The following CENPP variants were observed in gnomAD, a reference collection of about 807,000 sequenced individuals.
CENPP encodes the protein centromere protein P.
A neutral mutation model predicts 35.6 loss-of-function variants in CENPP; 24 were observed. That is an observed-to-expected ratio of 0.67 (90% CI 0.49 to 0.95). The LOEUF (loss-of-function observed/expected upper bound fraction) is 0.95, where lower values mean the gene tolerates loss of function less well. Ranked by LOEUF, CENPP falls within the 40% of genes least tolerant of loss-of-function variation. The pLI is 0.00. For missense variants in CENPP, 332 were observed against 345.3 expected (o/e 0.96, Z 0.31); for synonymous variants, 120 against 125.5 (o/e 0.96, Z 0.29).
intron 5 of CENPP, among the ~76,000 whole-genome samples, chr9:92,580,640 G>A (rs1250518472): frequency 2.0e-5 from 3 of 152,170 alleles, no homozygotes. Context: ...TGTGGGATCG[G>A]TGGTGATATC....
intron 1 of CENPP, among the ~76,000 whole-genome samples, chr9:92,330,390 T>G (rs896545115): frequency 6.6e-6 from 1 of 152,150 alleles, no homozygotes; most frequent in Non-Finnish European, 1.5e-5. Context: ...GGCTAATCAT[T>G]TAGTGTTCCT....
chr9:92,589,700 C>G (rs917814394), intron 5 of CENPP, among the ~76,000 whole-genome samples: 6 of 152,154 alleles, frequency 3.9e-5, no homozygotes, highest in Non-Finnish European at 8.8e-5. Flanking sequence ...AAGTGATTCT[C>G]TTATGCGTTT....
intron 5 of CENPP, among the ~76,000 whole-genome samples, chr9:92,474,159 A>T (rs1845625791): frequency 6.6e-6 from 1 of 152,268 alleles, no homozygotes; most frequent in African/African-American, 2.4e-5. Flanking sequence ...GGCAGTTTTA[A>T]ACCCAAATTG....
At chr9:92,401,736 A>C (rs920544266) in intron 5 of CENPP, among the ~76,000 whole-genome samples, 2 of 151,888 alleles carry the variant, frequency 1.3e-5, no homozygotes, top group Non-Finnish European at 1.5e-5. Flanking sequence ...TACCTTACCT[A>C]CCCTGCTTGG....
Position 92,518,022 on chromosome 9 carries a change from A to G in CENPP, c.565-93292A>G, listed in dbSNP as rs376597921. On this transcript the variant is annotated intron_variant, in intron 5 of 7. Transcript: ENST00000375587. ...TTCATGTATAGGGTAAAGATGTCGTATAGACATAAGAAATGCTGAAATGCT... is the reference window on the plus strand; with the variant it reads ...TTCATGTATAGGGTAAAGATGTCGTGTAGACATAAGAAATGCTGAAATGCT... 9.1e-5 allele frequency: 88 copies of G among 966,610 alleles called. No individual in the cohort carries two copies. In the African/African-American group the frequency reaches 1.3e-3, roughly 14 times the overall value. 59.9% of individuals were successfully genotyped at this position (966,610 alleles called of 1,614,324 possible).
intron 5 of CENPP, among the ~76,000 whole-genome samples, chr9:92,434,467 T>C (rs1844198862): frequency 6.6e-6 from 1 of 151,932 alleles, no homozygotes; most frequent in African/African-American, 2.4e-5. Context: ...GTGTAAGAAT[T>C]GCATGCTGAA....
At chr9:92,546,628 G>A (rs1387661319) in intron 5 of CENPP, among the ~76,000 whole-genome samples, 2 of 152,102 alleles carry the variant, frequency 1.3e-5, no homozygotes, top group Non-Finnish European at 2.9e-5. Context: ...ACACCAGAAG[G>A]AACAAACTCT....
chr9:92,365,530 C>T (rs1180166891), intron 4 of CENPP, among the ~76,000 whole-genome samples: 1 of 151,138 alleles, frequency 6.6e-6, no homozygotes, highest in African/African-American at 2.4e-5. Context: ...CCTGCCTCAG[C>T]CTCCTGAGCA....
chr9:92,331,654 GT>G (rs1840750890), intron 1 of CENPP, among the ~76,000 whole-genome samples: 1 of 152,194 alleles, frequency 6.6e-6, no homozygotes, highest in Non-Finnish European at 1.5e-5. Flanking sequence ...GGTTACATAT[GT>G]TTTTTGTTGA....
intron 5 of CENPP, among the ~76,000 whole-genome samples, chr9:92,437,763 A>T (rs1844284082): frequency 6.7e-6 from 1 of 149,202 alleles, no homozygotes; most frequent in East Asian, 2.0e-4. Flanking sequence ...AGTCCAATTT[A>T]TAAGTTATTT....
At chr9:92,449,421 AGCGAGACTCT>A (rs1166143734) in intron 5 of CENPP, among the ~76,000 whole-genome samples, 1 of 112,374 alleles carries the variant, frequency 8.9e-6, no homozygotes, top group African/African-American at 3.5e-5. Context: ...CTGGGTGATG[AGCGAGACTCT>A]ATCTCCAAAA....
At chr9:92,500,031 G>C (rs1846575838) in intron 5 of CENPP, among the ~76,000 whole-genome samples, 1 of 152,138 alleles carries the variant, frequency 6.6e-6, no homozygotes, top group Non-Finnish European at 1.5e-5. Flanking sequence ...AAACTAGATA[G>C]AAGCAGTTTT....
At chr9:92,352,505 G>GTGTGTGTGTGTGTATATATATATATA in intron 4 of CENPP, among the ~76,000 whole-genome samples, 9 of 49,786 alleles carry the variant, frequency 1.8e-4, no homozygotes, top group Admixed American at 2.4e-4. Flanking sequence ...GTGTGTGTGT[G>GTGTGTGTGTGTGTATATATATATATA]TATACATATA....
intron 5 of CENPP, among the ~76,000 whole-genome samples, chr9:92,390,759 C>T (rs925557726): frequency 6.6e-6 from 1 of 152,176 alleles, no homozygotes; most frequent in South Asian, 2.1e-4. Context: ...GAGCCTCTGG[C>T]CACACATTTC....
chr9:92,404,429 A>G, intron 5 of CENPP: 1 of 1,015,432 alleles, frequency 9.8e-7, no homozygotes, highest in South Asian at 1.6e-5. Context: ...ATTTATTAAG[A>G]CTATTAGATG....
intron 5 of CENPP, among the ~76,000 whole-genome samples, chr9:92,391,847 T>C (rs1297210727): frequency 6.6e-6 from 1 of 152,122 alleles, no homozygotes; most frequent in Admixed American, 6.5e-5. Flanking sequence ...TGTGTATTAA[T>C]TTTGGGGTTA....
intron 3 of CENPP, among the ~76,000 whole-genome samples, chr9:92,337,877 C>T (rs1464796259): frequency 3.9e-5 from 6 of 152,330 alleles, no homozygotes; most frequent in Admixed American, 2.6e-4. Flanking sequence ...GCAAGATGCT[C>T]CTGGGCTTCC....
chr9:92,560,309 C>CAT (rs1849819604), intron 5 of CENPP, among the ~76,000 whole-genome samples: 1 of 152,156 alleles, frequency 6.6e-6, no homozygotes, highest in South Asian at 2.1e-4. Context: ...AGCAAAAGAT[C>CAT]ATATATCAGC....
chr9:92,382,827 C>T (rs370039613), intron 5 of CENPP, among the ~76,000 whole-genome samples: 2 of 146,944 alleles, frequency 1.4e-5, no homozygotes, highest in Non-Finnish European at 3.0e-5. Context: ...GGGTTTATTT[C>T]TGGGCTGTTT....
Sources: allele counts gnomAD v4.1 joint callset (sites outside exome capture counted in the v4.1 genomes callset), GRCh38; gene constraint gnomAD v4.1.1; transcripts MANE v1.5; gene names NCBI Gene and HGNC (gene_info 2026-07-23, HGNC 2026-07-21).